Variants in FSHR observed in about 807,000 individuals in gnomAD.
The protein encoded by FSHR is follicle stimulating hormone receptor.
FSHR carries 46 observed loss-of-function variants against 52.1 expected under a neutral mutation model. The observed-to-expected ratio is 0.88, with a 90% CI of 0.70 to 1.13. The LOEUF (loss-of-function observed/expected upper bound fraction) is 1.13. Ranked by LOEUF, FSHR falls within the 50% of genes most tolerant of loss-of-function variation. The pLI is 0.00. For synonymous variants in FSHR, 399 were observed against 309.6 expected (o/e 1.29, Z -3.03); for missense variants, 964 against 834.6 (o/e 1.16, Z -1.91).
chr2:48,984,758 A>G (rs1028700139), intron 6 of FSHR, among the ~76,000 whole-genome samples: 1 of 152,176 alleles, frequency 6.6e-6, no homozygotes, highest in African/African-American at 2.4e-5. Flanking sequence ...GGTTCCACCT[A>G]TTTGCCTATT....
chr2:49,104,660 GA>G (rs943093191), intron 1 of FSHR, among the ~76,000 whole-genome samples: 4 of 152,106 alleles, frequency 2.6e-5, no homozygotes, highest in African/African-American at 9.7e-5. Flanking sequence ...AAAGAGATTG[GA>G]AGATGACAAG....
chr2:48,962,700 A>G lies in FSHR; in HGVS notation c.*33T>C. 1 of 1,602,322 alleles carries G rather than the reference A, an allele frequency of 6.2e-7. No homozygotes were observed. The highest frequency in any genetic ancestry group is 8.6e-7 in the Non-Finnish European group (1 of 1,169,360). On this transcript the variant is annotated 3_prime_UTR_variant, in exon 10 of 10. Coordinates refer to ENST00000406846, the MANE Select transcript of FSHR (RefSeq NM_000145.4). Reference sequence around the variant, plus strand: ...CCTTCAAAGGCAAGACTGAATTATCATTCAATACTCAGATACATTTTCACA... The same window carrying G: ...CCTTCAAAGGCAAGACTGAATTATCGTTCAATACTCAGATACATTTTCACA...
At position 49,047,719 on chromosome 2, in the gene FSHR, T is replaced by G. The variant is rs1453964976; in HGVS notation, c.224+20500A>C. Among the ~76,000 whole-genome samples, 12 of 152,232 alleles carry G rather than the reference T, an allele frequency of 7.9e-5. No individual in the cohort carries two copies. The East Asian group carries it at 2.3e-3, about 29-fold the overall frequency. On this transcript the variant is annotated intron_variant, in intron 2 of 9. Transcript: ENST00000406846. The stretch of plus-strand genomic sequence containing the variant: ...TAGACTTTTGGTGTCAATAAGTTCT[T>G]CAGATGCTGTTATCCTTACTGGGAA...
chr2:49,040,472 A>G (rs907192580), intron 2 of FSHR, among the ~76,000 whole-genome samples: 1 of 152,234 alleles, frequency 6.6e-6, no homozygotes, highest in African/African-American at 2.4e-5. Context: ...TGTTCCAAGA[A>G]TCTAAACCAT....
chr2:49,008,339 C>T (rs1385099719), intron 4 of FSHR, among the ~76,000 whole-genome samples: 2 of 144,696 alleles, frequency 1.4e-5, no homozygotes, highest in East Asian at 4.2e-4. Flanking sequence ...ATACATGTCC[C>T]TACAAAGGAC....
At chr2:49,015,173 A>C (rs1380481697) in intron 4 of FSHR, among the ~76,000 whole-genome samples, 1 of 152,202 alleles carries the variant, frequency 6.6e-6, no homozygotes, top group African/African-American at 2.4e-5. Context: ...CTAGCTAATA[A>C]ATATCAATGT....
chr2:48,965,306 T>C (rs1674423636), intron 9 of FSHR, among the ~76,000 whole-genome samples: 2 of 152,150 alleles, frequency 1.3e-5, no homozygotes, highest in African/African-American at 4.8e-5. Flanking sequence ...CTCTCTTCTC[T>C]CACCCCTGGG....
chr2:49,028,309 A>G (rs1667979574), intron 2 of FSHR, among the ~76,000 whole-genome samples: 1 of 152,156 alleles, frequency 6.6e-6, no homozygotes, highest in Non-Finnish European at 1.5e-5. Context: ...AATCTCACTA[A>G]TGGCTTTGTC....
intron 1 of FSHR, among the ~76,000 whole-genome samples, chr2:49,125,536 C>T (rs13001629): frequency 0.25 from 37,950 of 152,134 alleles, 5,085 homozygotes; most frequent in East Asian, 0.47. Context: ...CCTCTTCCTG[C>T]AGTCAGTTCT....
intron 1 of FSHR, among the ~76,000 whole-genome samples, chr2:49,113,421 A>G (rs1671495160): frequency 1.3e-5 from 2 of 152,160 alleles, no homozygotes; most frequent in East Asian, 3.8e-4. Context: ...AAGGATGATT[A>G]TTTATGAAAA....
intron 1 of FSHR, among the ~76,000 whole-genome samples, chr2:49,122,864 C>T (rs1326263231): frequency 2.0e-5 from 3 of 152,154 alleles, no homozygotes; most frequent in East Asian, 3.9e-4. Flanking sequence ...GGTCATGTCA[C>T]CTTTCTAAAT....
intron 1 of FSHR, among the ~76,000 whole-genome samples, chr2:49,109,158 C>A (rs551094888): frequency 5.9e-5 from 9 of 152,206 alleles, no homozygotes; most frequent in Non-Finnish European, 1.2e-4. Context: ...AAAGGATGAG[C>A]AGAAATTCCC....
At chr2:49,118,969 C>T (rs1324188047) in intron 1 of FSHR, among the ~76,000 whole-genome samples, 2 of 152,190 alleles carry the variant, frequency 1.3e-5, no homozygotes, top group Non-Finnish European at 2.9e-5. Context: ...TGTACTTTCA[C>T]TATTTTCCCA....
At chr2:49,103,583 G>T (rs1002535057) in intron 1 of FSHR, among the ~76,000 whole-genome samples, 2 of 152,138 alleles carry the variant, frequency 1.3e-5, no homozygotes, top group Non-Finnish European at 2.9e-5. Flanking sequence ...CACATTCTGA[G>T]ATGGCATCCC....
intron 1 of FSHR, among the ~76,000 whole-genome samples, chr2:49,118,394 C>T (rs927300024): frequency 5.9e-5 from 9 of 152,214 alleles, no homozygotes; most frequent in Non-Finnish European, 8.8e-5. Flanking sequence ...AAAGGGGTGC[C>T]GGCACTAGTT....
At chr2:49,057,673 T>C (rs920084704) in intron 2 of FSHR, among the ~76,000 whole-genome samples, 1 of 152,136 alleles carries the variant, frequency 6.6e-6, no homozygotes, top group African/African-American at 2.4e-5. Context: ...TTCTAACTCA[T>C]TCTCATAGGC....
At chr2:49,019,667 G>C (rs2104218624) in intron 3 of FSHR, among the ~76,000 whole-genome samples, 1 of 152,324 alleles carries the variant, frequency 6.6e-6, no homozygotes, top group South Asian at 2.1e-4. Flanking sequence ...CTGAGTCTCA[G>C]ATAGTTATCT....
intron 1 of FSHR, among the ~76,000 whole-genome samples, chr2:49,121,714 A>T (rs1671822667): frequency 6.6e-6 from 1 of 152,212 alleles, no homozygotes; most frequent in Admixed American, 6.5e-5. Context: ...TAGCAACCTT[A>T]ACTCCAACAT....
chr2:49,141,263 G>T (rs1253141968), intron 1 of FSHR, among the ~76,000 whole-genome samples: 1 of 152,026 alleles, frequency 6.6e-6, no homozygotes, highest in South Asian at 2.1e-4. Context: ...TTCTTGCATT[G>T]CTATTAAAAA....
Sources: allele counts gnomAD v4.1 joint callset (sites outside exome capture counted in the v4.1 genomes callset), GRCh38; gene constraint gnomAD v4.1.1; transcripts MANE v1.5; gene names NCBI Gene and HGNC (gene_info 2026-07-23, HGNC 2026-07-21).